XKR4: variants seen among roughly 807,000 people sequenced by gnomAD.
XKR4 encodes XK related 4.
XKR4 carries 12 observed loss-of-function variants against 53.9 expected under a neutral mutation model. The ratio of observed to expected loss-of-function variants is 0.22; its 90% CI spans 0.14 to 0.36. The LOEUF is 0.36. Ranked by LOEUF, XKR4 falls within the 10% of genes least tolerant of loss-of-function variation. The pLI is 1.00. For synonymous variants in XKR4, 354 were observed against 362.4 expected (o/e 0.98, Z 0.26); for missense variants, 799 against 859.5 (o/e 0.93, Z 0.88).
intron 1 of XKR4, among the ~76,000 whole-genome samples, chr8:55,217,993 C>A (rs976436268): frequency 6.6e-6 from 1 of 152,136 alleles, no homozygotes; most frequent in East Asian, 1.9e-4. Flanking sequence ...CTTCTCTGTG[C>A]CTCTCTCCTT....
intron 2 of XKR4, among the ~76,000 whole-genome samples, chr8:55,404,906 C>A (rs1804661753): frequency 6.6e-6 from 1 of 152,184 alleles, no homozygotes; most frequent in Non-Finnish European, 1.5e-5. Flanking sequence ...GTAACTCCTG[C>A]CTGACAAAGC....
At chr8:55,291,766 T>G (rs1819024352) in intron 1 of XKR4, among the ~76,000 whole-genome samples, 1 of 152,168 alleles carries the variant, frequency 6.6e-6, no homozygotes, top group South Asian at 2.1e-4. Context: ...TTGTAGATTC[T>G]TTGGGATTTT....
In XKR4 at chr8:55,346,418, T is replaced by C. The variant is rs79338166; in HGVS notation, c.807-11260T>C. 8.9e-3 allele frequency among the ~76,000 whole-genome samples: 1,354 copies of C among 152,236 alleles called. 7 individuals carry two copies. Among genetic ancestry groups the C allele is most frequent in the Middle Eastern group, 0.027 (8 of 294 alleles). ...ATTCTTTCTCCCTCAATTCACATAG[T>C]TTTTTCTTCCTTTGGATGATTAGTG... is the stretch of plus-strand genomic sequence containing the variant. On this transcript the variant is annotated intron_variant, in intron 1 of 2. Coordinates refer to ENST00000327381, the MANE Select transcript of XKR4 (RefSeq NM_052898.2).
intron 2 of XKR4, among the ~76,000 whole-genome samples, chr8:55,480,492 A>G (rs1304300375): frequency 6.6e-6 from 1 of 152,306 alleles, no homozygotes; most frequent in East Asian, 1.9e-4. Flanking sequence ...AAACTGGCAC[A>G]AGACAGGGAT....
At chr8:55,219,939 G>T (rs1014713161) in intron 1 of XKR4, among the ~76,000 whole-genome samples, 1 of 152,038 alleles carries the variant, frequency 6.6e-6, no homozygotes, top group Non-Finnish European at 1.5e-5. Context: ...TTTAGGCAAT[G>T]GATTTTTTAT....
chr8:55,455,736 C>T (rs1336868238), intron 2 of XKR4, among the ~76,000 whole-genome samples: 1 of 152,170 alleles, frequency 6.6e-6, no homozygotes, highest in Admixed American at 6.5e-5. Context: ...GCAGGTGAGA[C>T]TCAAGAAAGC....
At chr8:55,180,537 C>A (rs1563476662) in intron 1 of XKR4, among the ~76,000 whole-genome samples, 1 of 151,624 alleles carries the variant, frequency 6.6e-6, no homozygotes, top group South Asian at 2.1e-4. Context: ...AATACGTATT[C>A]TTTTTTTTTC....
At chr8:55,234,735 TACTG>T (rs1343039710) in intron 1 of XKR4, among the ~76,000 whole-genome samples, 1 of 152,190 alleles carries the variant, frequency 6.6e-6, no homozygotes, top group Non-Finnish European at 1.5e-5. Flanking sequence ...CAAATAGGGA[TACTG>T]AATGGCTCAT....
At chr8:55,450,177 G>C in intron 2 of XKR4, 5 of 668,910 alleles carry the variant, frequency 7.5e-6, no homozygotes, top group South Asian at 6.0e-5. Flanking sequence ...GCTGGGCTCG[G>C]GGGCAGCTGT....
At chr8:55,384,073 G>A (rs953111041) in intron 2 of XKR4, among the ~76,000 whole-genome samples, 1 of 152,230 alleles carries the variant, frequency 6.6e-6, no homozygotes, top group African/African-American at 2.4e-5. Flanking sequence ...CACACAGAAT[G>A]TGATTGCAGA....
intron 1 of XKR4, among the ~76,000 whole-genome samples, chr8:55,292,499 A>G (rs764560475): frequency 2.0e-5 from 3 of 151,926 alleles, no homozygotes; most frequent in Non-Finnish European, 4.4e-5. Flanking sequence ...TAGTCATGTC[A>G]CCTGTTTCAT....
chr8:55,327,498 C>A (rs1803311545), intron 1 of XKR4, among the ~76,000 whole-genome samples: 1 of 152,138 alleles, frequency 6.6e-6, no homozygotes, highest in South Asian at 2.1e-4. Context: ...CTAACCATAT[C>A]ATTTATTCAT....
intron 2 of XKR4, among the ~76,000 whole-genome samples, chr8:55,474,558 T>A (rs1284419247): frequency 6.6e-6 from 1 of 152,154 alleles, no homozygotes; most frequent in Non-Finnish European, 1.5e-5. Context: ...ATCTAGTATT[T>A]TAAGATACTC....
At chr8:55,340,481 G>A (rs1252824049) in intron 1 of XKR4, among the ~76,000 whole-genome samples, 1 of 152,230 alleles carries the variant, frequency 6.6e-6, no homozygotes, top group African/African-American at 2.4e-5. Context: ...AGACAGTTAA[G>A]ACTAAATAGC....
chr8:55,362,314 T>C (rs1013399759), intron 2 of XKR4, among the ~76,000 whole-genome samples: 2 of 151,980 alleles, frequency 1.3e-5, no homozygotes, highest in Non-Finnish European at 2.9e-5. Flanking sequence ...AACCCTGAAT[T>C]AAGGGGTGTG....
chr8:55,280,131 G>T (rs1042590040), intron 1 of XKR4, among the ~76,000 whole-genome samples: 2 of 152,182 alleles, frequency 1.3e-5, no homozygotes, highest in African/African-American at 2.4e-5. Flanking sequence ...GCCATTTTAT[G>T]AAGGTCTGTG....
At position 55,523,613 on chromosome 8, in the gene XKR4, A is replaced by G. The variant is rs1229846867; in HGVS notation, c.1339A>G (p.Asn447Asp). Residue 447 changes from asparagine to aspartate, a missense_variant, in exon 3 of 3, where the codon AAT becomes GAT. Asn to Asp is a conservative substitution (Grantham distance 23). Transcript: ENST00000327381. ...VGIIYIFSWF[N>D]VKEGRTRCRL... is the part of the protein sequence containing the mutation. ...GATTATCTATATCTTCAGTTGGTTC[A>G]ATGTCAAGGAAGGCAGGACACGCTG... 1 of 1,614,132 alleles carries G rather than the reference A, an allele frequency of 6.2e-7. No homozygotes were observed. The highest frequency in any genetic ancestry group is 1.7e-5 in the Admixed American group (1 of 60,022).
intron 1 of XKR4, among the ~76,000 whole-genome samples, chr8:55,199,829 A>G (rs1012759061): frequency 6.6e-6 from 1 of 152,208 alleles, no homozygotes; most frequent in Non-Finnish European, 1.5e-5. Context: ...TGTGTTATGC[A>G]CTTTATTTGC....
intron 1 of XKR4, among the ~76,000 whole-genome samples, chr8:55,126,300 C>T (rs16921175): frequency 0.033 from 4,947 of 152,180 alleles, 253 homozygotes; most frequent in African/African-American, 0.11. Context: ...GAAACAGTGA[C>T]GGAGATTCTA....
Sources: gnomAD v4.1 joint callset for allele counts (sites outside exome capture counted in the v4.1 genomes callset) on GRCh38, gnomAD v4.1.1 for gene constraint, MANE v1.5 for transcripts, NCBI Gene and HGNC (gene_info 2026-07-23, HGNC 2026-07-21) for gene names.